The following FLRT2 variants were observed in gnomAD, a reference collection of about 807,000 sequenced individuals.
FLRT2 encodes the protein leucine-rich repeat transmembrane protein FLRT2.
A neutral mutation model predicts 40.0 loss-of-function variants in FLRT2; 15 were observed. The observed-to-expected ratio is 0.38, with a 90% confidence interval of 0.25 to 0.58. FLRT2 has a LOEUF of 0.58. Among genes scored for constraint, FLRT2 ranks in the 20% least tolerant of loss-of-function variants. The pLI is 0.71. For missense variants in FLRT2, 726 were observed against 840.0 expected (o/e 0.86, Z 1.68); for synonymous variants, 380 against 336.8 (o/e 1.13, Z -1.41).
At position 85,642,572 on chromosome 14, in the gene FLRT2, T is replaced by A. The variant is rs1217105824; in HGVS notation, c.*19075T>A. ...TAAAATAACAACAAAAAAACGGCAA[T>A]AGTTTGTTATTTTTTATCAGGAGAA... On this transcript the variant is annotated 3_prime_UTR_variant, in exon 2 of 2. Coordinates refer to ENST00000330753, the MANE Select transcript of FLRT2 (RefSeq NM_013231.6). The A allele has an allele frequency of 1.3e-5, 2 of 151,916 alleles. No homozygotes were observed. The highest frequency in any genetic ancestry group is 3.9e-4 in the East Asian group (2 of 5,180). The allele number at this position is 151,916 out of a possible 1,614,324, so 9.4% of individuals were successfully genotyped here. A position where few individuals can be genotyped will look rare whatever the true frequency, so the allele number is the denominator to read the frequency against.
Position 85,638,719 on chromosome 14 carries a change from A to G in FLRT2, c.*15222A>G, listed in dbSNP as rs1397623540. The G allele has an allele frequency of 6.6e-6, 1 of 152,158 alleles. No individual in the cohort carries two copies. Among genetic ancestry groups the G allele is most frequent in the Admixed American group, 6.5e-5 (1 of 15,278 alleles). The allele number at this position is 152,158 out of a possible 1,614,324, so 9.4% of individuals were successfully genotyped here. A position where few individuals can be genotyped will look rare whatever the true frequency, so the allele number is the denominator to read the frequency against. On this transcript the variant is annotated 3_prime_UTR_variant, in exon 2 of 2. Coordinates refer to ENST00000330753, the MANE Select transcript of FLRT2 (RefSeq NM_013231.6). ...TTATTGAGCAGAGCGAAGTAACATT[A>G]ATTTGTGTTATAACCACTGAATGTT...
rs1429785329 is a variant in FLRT2 at position 85,535,913 on chromosome 14, T to G, written c.-377+5379T>G. Among the ~76,000 whole-genome samples, 87 of 79,290 alleles carry G rather than the reference T, an allele frequency of 1.1e-3. 1 individual carries two copies. The East Asian group carries it at 0.022, about 20-fold the overall frequency. The allele number at this position is 79,290 out of a possible 152,430, so 52.0% of individuals were successfully genotyped here. On this transcript the variant is annotated intron_variant, in intron 1 of 1. Transcript: ENST00000330753. Reference sequence around the variant, plus strand: ...TGCTGTTTTTTTTTTTTTTTTTTTTTTTTTTTTTGTTGTTGTTGTTGTTGT... The same window carrying G: ...TGCTGTTTTTTTTTTTTTTTTTTTTGTTTTTTTTGTTGTTGTTGTTGTTGT...
In FLRT2 at chr14:85,628,599, G is replaced by A. The variant is rs1285842682; in HGVS notation, c.*5102G>A. ...TTGATTAGTCTCATATGATTTTTCA[G>A]AACCCCTTTTGCTAACCCCTCTTGG... On this transcript the variant is annotated 3_prime_UTR_variant, in exon 2 of 2. Coordinates refer to ENST00000330753, the MANE Select transcript of FLRT2 (RefSeq NM_013231.6). The A allele has an allele frequency of 6.6e-6, 1 of 152,122 alleles. No individual in the cohort carries two copies. Among genetic ancestry groups the A allele is most frequent in the African/African-American group, 2.4e-5 (1 of 41,422 alleles). The allele number at this position is 152,122 out of a possible 1,614,324, so 9.4% of individuals were successfully genotyped here. A position where few individuals can be genotyped will look rare whatever the true frequency, so the allele number is the denominator to read the frequency against.
intron 1 of FLRT2, among the ~76,000 whole-genome samples, chr14:85,600,780 G>A (rs1254748781): frequency 6.6e-6 from 1 of 152,162 alleles, no homozygotes; most frequent in East Asian, 1.9e-4. Flanking sequence ...GGAGCTTGGG[G>A]AACTTCCAGT....
Position 85,570,731 on chromosome 14 carries a change from G to T in FLRT2, c.-377+40197G>T. ...CGAGTAGCTGGGACTCCAGGCACCC[G>T]CCACCATGCCTGGCTAATTTTTTGT... On this transcript the variant is annotated intron_variant, in intron 1 of 1. Transcript: ENST00000330753. Among the ~76,000 whole-genome samples the T allele has an allele frequency of 2.0e-5, 3 of 151,662 alleles. 1 individual carries two copies. The highest frequency in any genetic ancestry group is 3.4e-3 in the Middle Eastern group (1 of 294).
chr14:85,602,889 G>A (rs915727983), intron 1 of FLRT2, among the ~76,000 whole-genome samples: 1 of 152,096 alleles, frequency 6.6e-6, no homozygotes, highest in Non-Finnish European at 1.5e-5. Context: ...TCTGTTTTAG[G>A]GTTTCGGGTT....
chr14:85,608,322 C>A (rs534018132), intron 1 of FLRT2, among the ~76,000 whole-genome samples: 1 of 152,078 alleles, frequency 6.6e-6, no homozygotes, highest in African/African-American at 2.4e-5. Flanking sequence ...CTCCACCTCC[C>A]GGGTTCAAGC....
intron 1 of FLRT2, among the ~76,000 whole-genome samples, chr14:85,537,592 A>G (rs111376804): frequency 9.2e-5 from 14 of 151,412 alleles, no homozygotes; most frequent in African/African-American, 3.2e-4. Flanking sequence ...ATCTGTTTAT[A>G]GTAAAACACA....
At chr14:85,599,081 C>G (rs1396022537) in intron 1 of FLRT2, among the ~76,000 whole-genome samples, 3 of 151,942 alleles carry the variant, frequency 2.0e-5, no homozygotes, top group Non-Finnish European at 4.4e-5. Context: ...TCATGCCCGG[C>G]TAATTTCTTT....
intron 1 of FLRT2, among the ~76,000 whole-genome samples, chr14:85,606,365 T>C (rs1190837906): frequency 3.3e-5 from 5 of 152,140 alleles, no homozygotes; most frequent in Non-Finnish European, 7.4e-5. Flanking sequence ...CCTGTAATCT[T>C]GGGAAAGTTA....
At chr14:85,576,316 G>T (rs1891124811) in intron 1 of FLRT2, among the ~76,000 whole-genome samples, 1 of 151,982 alleles carries the variant, frequency 6.6e-6, no homozygotes, top group Non-Finnish European at 1.5e-5. Context: ...CCATTACCAT[G>T]GTTATCTTCT....
In FLRT2 at chr14:85,631,506, G is replaced by A. The variant is rs1893872237; in HGVS notation, c.*8009G>A. 1 of 152,136 alleles carries A rather than the reference G, an allele frequency of 6.6e-6. No individual in the cohort carries two copies. Among genetic ancestry groups the A allele is most frequent in the Non-Finnish European group, 1.5e-5 (1 of 68,052 alleles). 9.4% of individuals were successfully genotyped at this position (152,136 alleles called of 1,614,324 possible). A position where few individuals can be genotyped will look rare whatever the true frequency, so the allele number is the denominator to read the frequency against. On this transcript the variant is annotated 3_prime_UTR_variant, in exon 2 of 2. Transcript: ENST00000330753. ...AGGCCCTGGTGGGTGCCCAGCTACAGGGGAAGAGCCACTCTGTCAGTTGCT... is the reference window on the plus strand; with the variant it reads ...AGGCCCTGGTGGGTGCCCAGCTACAAGGGAAGAGCCACTCTGTCAGTTGCT...
chr14:85,616,108 C>G (rs1893118865), intron 1 of FLRT2, among the ~76,000 whole-genome samples: 1 of 152,038 alleles, frequency 6.6e-6, no homozygotes, highest in South Asian at 2.1e-4. Flanking sequence ...CTTTAAGAGA[C>G]TGGCAAGGAC....
At chr14:85,562,411 C>T (rs1890392252) in intron 1 of FLRT2, among the ~76,000 whole-genome samples, 1 of 152,142 alleles carries the variant, frequency 6.6e-6, no homozygotes, top group South Asian at 2.1e-4. Context: ...GCAATCTCTG[C>T]CACATTTTGG....
chr14:85,623,043 C>T lies in FLRT2; in HGVS notation c.1529C>T (p.Ser510Leu). ...CGCGCGGTAGAAGACACCATTTGTTCAGAGGCCACCACCCATGCCTCCTAT... is the reference window on the plus strand; with the variant it reads ...CGCGCGGTAGAAGACACCATTTGTTTAGAGGCCACCACCCATGCCTCCTAT... ...NYRAVEDTIC[S>L]EATTHASYLN... Residue 510 changes from serine (S) to leucine (L), a missense_variant, in exon 2 of 2, where the codon TCA becomes TTA. Around this residue, in one of 3 missense-constraint regions of FLRT2, gnomAD observed 611 missense variants for 690.0 expected, o/e 0.89. Coordinates refer to ENST00000330753, the MANE Select transcript of FLRT2 (RefSeq NM_013231.6). The T allele has an allele frequency of 1.2e-6, 2 of 1,614,186 alleles. No homozygotes were observed. Among genetic ancestry groups the T allele is most frequent in the Non-Finnish European group, 1.7e-6 (2 of 1,180,046 alleles).
intron 1 of FLRT2, among the ~76,000 whole-genome samples, chr14:85,575,337 T>C (rs1891082317): frequency 7.1e-6 from 1 of 140,692 alleles, no homozygotes; most frequent in East Asian, 2.0e-4. Flanking sequence ...TCTTACAACA[T>C]TTTTTTTTTT....
Position 85,634,943 on chromosome 14 carries a change from T to C in FLRT2, c.*11446T>C, listed in dbSNP as rs1220621401. Reference sequence around the variant, plus strand: ...GACCTTAAATTCTGTTTTATGGTTGTTCATTTTCTATGTAGTTTAGATTTG... The same window carrying C: ...GACCTTAAATTCTGTTTTATGGTTGCTCATTTTCTATGTAGTTTAGATTTG... On this transcript the variant is annotated 3_prime_UTR_variant, in exon 2 of 2. Coordinates refer to ENST00000330753, the MANE Select transcript of FLRT2 (RefSeq NM_013231.6). The C allele has an allele frequency of 6.6e-6, 1 of 152,320 alleles. No homozygotes were observed. The highest frequency in any genetic ancestry group is 1.5e-5 in the Non-Finnish European group (1 of 68,024). 9.4% of individuals were successfully genotyped at this position (152,320 alleles called of 1,614,324 possible). A position where few individuals can be genotyped will look rare whatever the true frequency, so the allele number is the denominator to read the frequency against.
At position 85,627,123 on chromosome 14, in the gene FLRT2, C is replaced by G. The variant is rs1187899129; in HGVS notation, c.*3626C>G. 6.0e-6 allele frequency: 1 copy of G among 167,050 alleles called. No individual in the cohort carries two copies. Among genetic ancestry groups the G allele is most frequent in the African/African-American group, 2.4e-5 (1 of 41,448 alleles). 10.3% of individuals were successfully genotyped at this position (167,050 alleles called of 1,614,324 possible). Reference sequence around the variant, plus strand: ...CTTTGCTTATAGCATTTTTCTCTAACCTATAACAAGGAGACATTACATTTT... The same window carrying G: ...CTTTGCTTATAGCATTTTTCTCTAAGCTATAACAAGGAGACATTACATTTT... On this transcript the variant is annotated 3_prime_UTR_variant, in exon 2 of 2. Coordinates refer to ENST00000330753, the MANE Select transcript of FLRT2 (RefSeq NM_013231.6).
At chr14:85,555,330 C>T (rs569818491) in intron 1 of FLRT2, among the ~76,000 whole-genome samples, 31 of 152,250 alleles carry the variant, frequency 2.0e-4, no homozygotes, top group African/African-American at 7.0e-4. Context: ...TAAAGACTAC[C>T]TGAGACTGGG....
Sources: gnomAD v4.1 joint callset for allele counts (sites outside exome capture counted in the v4.1 genomes callset) on GRCh38, gnomAD v4.1.1 for gene constraint, gnomAD v4.1.1 regional missense constraint, MANE v1.5 for transcripts, NCBI Gene and HGNC (gene_info 2026-07-23, HGNC 2026-07-21) for gene names.